Variants in CACNB2 observed in about 807,000 individuals in gnomAD.
CACNB2 encodes voltage-dependent L-type calcium channel subunit beta-2.
In CACNB2, 42 loss-of-function variants were observed where a neutral mutation model predicts 73.3. The ratio of observed to expected loss-of-function variants is 0.57; its 90% confidence interval spans 0.45 to 0.74. The LOEUF (loss-of-function observed/expected upper bound fraction) is 0.74, where lower values mean the gene tolerates loss of function less well. Ranked by LOEUF, CACNB2 falls within the 30% of genes least tolerant of loss-of-function variation. The probability of loss-of-function intolerance (pLI) is 0.00; values close to 1 mark genes in which losing one functional copy is unlikely to be tolerated. For synonymous variants in CACNB2, 348 were observed against 310.3 expected, an observed-to-expected ratio of 1.12 and a Z score of -1.28; for missense variants, 940 against 853.0, an observed-to-expected ratio of 1.10 and a Z score of -1.27.
At chr10:18,508,054 C>T (rs2050584084) in intron 6 of CACNB2, among the ~76,000 whole-genome samples, 1 of 151,996 alleles carries the variant, frequency 6.6e-6, no homozygotes, top group Non-Finnish European at 1.5e-5. Flanking sequence ...GGATGACAGG[C>T]ATGAGCCACC....
At chr10:18,407,632 A>AT (rs2044369124) in intron 3 of CACNB2, among the ~76,000 whole-genome samples, 2 of 151,670 alleles carry the variant, frequency 1.3e-5, no homozygotes, top group South Asian at 4.2e-4. Context: ...TTCTTCCCCT[A>AT]TATTGTCCTC....
At chr10:18,199,053 C>A (rs2034753986) in intron 2 of CACNB2, among the ~76,000 whole-genome samples, 1 of 152,074 alleles carries the variant, frequency 6.6e-6, no homozygotes, top group African/African-American at 2.4e-5. Context: ...TAGCACCTTG[C>A]AACTCATAGG....
intron 2 of CACNB2, among the ~76,000 whole-genome samples, chr10:18,399,024 A>G (rs1457630697): frequency 6.6e-6 from 1 of 152,190 alleles, no homozygotes; most frequent in African/African-American, 2.4e-5. Context: ...GAGACCGCAC[A>G]AAATTATGTG....
intron 2 of CACNB2, among the ~76,000 whole-genome samples, chr10:18,380,579 C>G (rs1253860318): frequency 6.6e-6 from 1 of 151,488 alleles, no homozygotes; most frequent in South Asian, 2.1e-4. Flanking sequence ...CTCAGCCTCC[C>G]CAGTAGCTGA....
At chr10:18,326,080 A>G (rs769156284) in intron 2 of CACNB2, among the ~76,000 whole-genome samples, 1 of 152,156 alleles carries the variant, frequency 6.6e-6, no homozygotes, top group East Asian at 1.9e-4. Flanking sequence ...TGTTAGTCCT[A>G]TGCTAACCTG....
intron 3 of CACNB2, among the ~76,000 whole-genome samples, chr10:18,442,171 C>T (rs1047672639): frequency 1.3e-5 from 2 of 151,896 alleles, no homozygotes; most frequent in East Asian, 2.0e-4. Flanking sequence ...TTTATTGAGA[C>T]GGAGTTTCAC....
At chr10:18,301,081 C>A (rs1323584885) in intron 2 of CACNB2, among the ~76,000 whole-genome samples, 2 of 152,192 alleles carry the variant, frequency 1.3e-5, no homozygotes, top group Admixed American at 1.3e-4. Context: ...AACCACCACT[C>A]CTTTTCAAAA....
intron 2 of CACNB2, among the ~76,000 whole-genome samples, chr10:18,324,803 C>T (rs1042808439): frequency 1.3e-5 from 2 of 152,214 alleles, no homozygotes; most frequent in Non-Finnish European, 2.9e-5. Context: ...TTGCAGTGAG[C>T]TAAGAGTGTG....
chr10:18,218,865 C>CA (rs1246999445), intron 2 of CACNB2, among the ~76,000 whole-genome samples: 1 of 151,182 alleles, frequency 6.6e-6, no homozygotes, highest in Non-Finnish European at 1.5e-5. Flanking sequence ...GACTCCATCT[C>CA]AAAAAAAAGT....
chr10:18,259,993 G>A (rs2037465089), intron 2 of CACNB2, among the ~76,000 whole-genome samples: 1 of 152,174 alleles, frequency 6.6e-6, no homozygotes. Flanking sequence ...TGTAGTGGTG[G>A]TTAATCTGTG....
intron 3 of CACNB2, among the ~76,000 whole-genome samples, chr10:18,411,506 ATTTTTTTTTTT>A (rs72400253): frequency 8.0e-6 from 1 of 125,690 alleles, no homozygotes; most frequent in Non-Finnish European, 1.6e-5. Context: ...GTCTTTGAGC[ATTTTTTTTTTT>A]TTTTTTTTTG....
chr10:18,400,564 C>A (rs896799654), intron 2 of CACNB2: 2 of 1,021,334 alleles, frequency 2.0e-6, no homozygotes, highest in Admixed American at 1.0e-4. Flanking sequence ...TCCGCCTCCC[C>A]CCTCCCCCTC....
intron 6 of CACNB2, among the ~76,000 whole-genome samples, chr10:18,509,706 C>T (rs1488232972): frequency 2.0e-5 from 3 of 152,086 alleles, no homozygotes; most frequent in African/African-American, 7.2e-5. Context: ...AGGAGGTTCA[C>T]TCGAGTCCAG....
intron 2 of CACNB2, among the ~76,000 whole-genome samples, chr10:18,215,569 C>A (rs569082525): frequency 2.0e-4 from 30 of 152,102 alleles, no homozygotes; most frequent in Non-Finnish European, 3.4e-4. Context: ...TGATTAGAAA[C>A]CTCTTAAGAA....
intron 3 of CACNB2, among the ~76,000 whole-genome samples, chr10:18,428,435 C>A (rs1164904805): frequency 6.6e-6 from 1 of 152,046 alleles, no homozygotes; most frequent in African/African-American, 2.4e-5. Flanking sequence ...GCCTGTAATC[C>A]CAGCACTTTG....
chr10:18,341,870 T>C (rs2041246964), intron 2 of CACNB2, among the ~76,000 whole-genome samples: 1 of 152,238 alleles, frequency 6.6e-6, no homozygotes, highest in Admixed American at 6.5e-5. Flanking sequence ...TTTTATGTGA[T>C]TTTGATGATT....
At chr10:18,537,225 T>A (rs980317356) in intron 12 of CACNB2, among the ~76,000 whole-genome samples, 1 of 152,056 alleles carries the variant, frequency 6.6e-6, no homozygotes, top group Non-Finnish European at 1.5e-5. Context: ...CGACCTCAAG[T>A]GATCCATCCA....
intron 2 of CACNB2, among the ~76,000 whole-genome samples, chr10:18,380,300 G>A (rs995047932): frequency 2.0e-5 from 3 of 151,818 alleles, no homozygotes; most frequent in African/African-American, 4.8e-5. Flanking sequence ...AAAATTAAAA[G>A]GTCTTATTGG....
chr10:18,192,587 A>G (rs1008482736), intron 2 of CACNB2, among the ~76,000 whole-genome samples: 1 of 152,104 alleles, frequency 6.6e-6, no homozygotes, highest in South Asian at 2.1e-4. Context: ...TCTAGTTCCA[A>G]CACATTTCCG....
Sources: gnomAD v4.1 joint callset for allele counts (sites outside exome capture counted in the v4.1 genomes callset) on GRCh38, gnomAD v4.1.1 for gene constraint, MANE v1.5 for transcripts, NCBI Gene and HGNC (gene_info 2026-07-23, HGNC 2026-07-21) for gene names.